The following POU2F1 variants were observed in gnomAD, a reference collection of about 807,000 sequenced individuals.
The protein encoded by POU2F1 is POU class 2 homeobox 1, also known as POU domain, class 2, transcription factor 1.
POU2F1 carries 16 observed loss-of-function variants against 84.9 expected under a neutral mutation model. That is an observed-to-expected ratio of 0.19 (90% CI 0.13 to 0.29). POU2F1 has a LOEUF of 0.29. POU2F1 is among the 10% of genes least tolerant of loss of function. The probability of loss-of-function intolerance (pLI) is 1.00; values close to 1 mark genes in which losing one functional copy is unlikely to be tolerated. For missense variants in POU2F1, 738 were observed against 942.6 expected, an observed-to-expected ratio of 0.78 and a Z score of 2.84; for synonymous variants, 368 against 368.3, an observed-to-expected ratio of 1.00 and a Z score of 0.01.
intron 1 of POU2F1, among the ~76,000 whole-genome samples, chr1:167,312,447 CT>C (rs1655564721): frequency 6.6e-6 from 1 of 151,798 alleles, no homozygotes; most frequent in South Asian, 2.1e-4. Flanking sequence ...CCAGGCGGGT[CT>C]CGAACTCCTG....
intron 1 of POU2F1, among the ~76,000 whole-genome samples, chr1:167,286,050 A>G (rs1653505585): frequency 6.6e-6 from 1 of 152,340 alleles, no homozygotes; most frequent in Non-Finnish European, 1.5e-5. Context: ...AAAGAAGATT[A>G]TGGCCAAATA....
rs369128134 is a variant in POU2F1, at chr1:167,413,127, C to G, written c.1990+13C>G. 65 of 1,595,204 alleles carry G rather than the reference C, an allele frequency of 4.1e-5. No individual in the cohort carries two copies. Among genetic ancestry groups the G allele is most frequent in the Non-Finnish European group, 5.2e-5 (60 of 1,164,568 alleles). On this transcript the variant is annotated intron_variant, in intron 15 of 15. Transcript: ENST00000367866. ...GCAACTATTCAAGGTCAGTAGAAGC[C>G]TTTTTCTTAATTTGGTGGCATGCAC... is the stretch of plus-strand genomic sequence containing the variant.
chr1:167,257,035 T>G (rs1365033330), intron 1 of POU2F1, among the ~76,000 whole-genome samples: 1 of 152,220 alleles, frequency 6.6e-6, no homozygotes, highest in East Asian at 1.9e-4. Flanking sequence ...CAGAGCCACT[T>G]CTTGATGCTA....
At chr1:167,221,526 C>T (rs1571104639) in intron 1 of POU2F1, among the ~76,000 whole-genome samples, 1 of 148,942 alleles carries the variant, frequency 6.7e-6, no homozygotes, top group African/African-American at 2.4e-5. Flanking sequence ...GCCGGACACC[C>T]GCACGCGTCT....
At chr1:167,383,010 C>G (rs1361947643) in intron 7 of POU2F1, among the ~76,000 whole-genome samples, 1 of 152,168 alleles carries the variant, frequency 6.6e-6, no homozygotes, top group Admixed American at 6.5e-5. Flanking sequence ...GCTATTGCCT[C>G]AGATAATCTT....
At chr1:167,414,179 T>A (rs927079416) in intron 15 of POU2F1, among the ~76,000 whole-genome samples, 1 of 152,202 alleles carries the variant, frequency 6.6e-6, no homozygotes, top group Non-Finnish European at 1.5e-5. Flanking sequence ...GACTTTCTGA[T>A]TGACTAAATC....
chr1:167,243,134 G>A (rs1396954596), intron 1 of POU2F1, among the ~76,000 whole-genome samples: 3 of 151,972 alleles, frequency 2.0e-5, no homozygotes, highest in African/African-American at 7.3e-5. Context: ...TTTTTACTTG[G>A]GACGTTATTG....
chr1:167,303,556 T>A (rs1324726181), intron 1 of POU2F1: 4 of 154,186 alleles, frequency 2.6e-5, no homozygotes, highest in African/African-American at 4.8e-5. Flanking sequence ...AAAGAAAGAA[T>A]GCAGTCTTTC....
intron 14 of POU2F1, 79 bp from the exon 15 acceptor site, chr1:167,412,947 G>T: frequency 1.6e-6 from 2 of 1,217,350 alleles, no homozygotes; most frequent in South Asian, 1.3e-5. Context: ...TTTTCGTTTT[G>T]TAAGTTCCTT....
chr1:167,236,278 T>G (rs1649448327), intron 1 of POU2F1, among the ~76,000 whole-genome samples: 1 of 152,008 alleles, frequency 6.6e-6, no homozygotes, highest in African/African-American at 2.4e-5. Flanking sequence ...AATTTTTGTA[T>G]TTTTAGTAGA....
intron 9 of POU2F1, among the ~76,000 whole-genome samples, chr1:167,393,284 A>G (rs534402308): frequency 6.6e-6 from 1 of 152,324 alleles, no homozygotes; most frequent in Admixed American, 6.5e-5. Context: ...CGAATTAATG[A>G]AAATTAGTAT....
At chr1:167,242,198 G>A (rs1481165033) in intron 1 of POU2F1, among the ~76,000 whole-genome samples, 1 of 152,186 alleles carries the variant, frequency 6.6e-6, no homozygotes, top group Non-Finnish European at 1.5e-5. Context: ...TAACTAAGAA[G>A]CACCAATATT....
intron 14 of POU2F1, 146 bp downstream of exon 14, chr1:167,412,450 A>C (rs71632308): frequency 0.019 from 12,697 of 673,886 alleles, 181 homozygotes; most frequent in Middle Eastern, 0.027. Flanking sequence ...TTTTGTGATC[A>C]TACAAGGACT....
intron 2 of POU2F1, among the ~76,000 whole-genome samples, chr1:167,345,998 C>CAAA (rs34988697): frequency 8.1e-6 from 1 of 124,086 alleles, no homozygotes. Context: ...CGCATGTCTA[C>CAAA]AAAAAAAAAA....
intron 2 of POU2F1, among the ~76,000 whole-genome samples, chr1:167,362,645 G>A (rs1251803910): frequency 6.6e-6 from 1 of 152,166 alleles, no homozygotes; most frequent in Admixed American, 6.5e-5. Flanking sequence ...CTGAGTAGCT[G>A]GAATTAGAGG....
At chr1:167,309,983 T>C (rs1655347000) in intron 1 of POU2F1, among the ~76,000 whole-genome samples, 1 of 152,144 alleles carries the variant, frequency 6.6e-6, no homozygotes, top group Non-Finnish European at 1.5e-5. Flanking sequence ...TAAATTCTTT[T>C]CATAGAACAT....
chr1:167,243,953 C>T (rs1441032722), intron 1 of POU2F1, among the ~76,000 whole-genome samples: 4 of 152,202 alleles, frequency 2.6e-5, no homozygotes, highest in African/African-American at 9.6e-5. Context: ...TAGCTGCCCT[C>T]CACAAATATG....
In POU2F1 at chr1:167,412,184, C is replaced by T; in HGVS notation, c.1781C>T (p.Thr594Ile). 1.9e-6 allele frequency: 3 copies of T among 1,614,006 alleles called. No homozygotes were observed. The highest frequency in any genetic ancestry group is 1.7e-6 in the Non-Finnish European group (2 of 1,179,898). The change falls in exon 14 of 16, where the codon ACA becomes ATA. Residue 594 changes from threonine to isoleucine, a missense_variant. This residue lies in a region of POU2F1 where 319 missense variants were observed against 386.0 expected (regional missense o/e 0.83). Coordinates refer to ENST00000367866, the MANE Select transcript of POU2F1 (RefSeq NM_002697.4). ...ATGGTGACAGCATCAGGTTTGCAAA[C>T]AGCAGCAGCTGCTGCCCTTCAAGGA... ...QVMVTASGLQ[T>I]AAAAALQGAA...
At chr1:167,355,111 T>C (rs965118148) in intron 2 of POU2F1, among the ~76,000 whole-genome samples, 4 of 152,060 alleles carry the variant, frequency 2.6e-5, no homozygotes, top group Admixed American at 2.6e-4. Context: ...CTTCTAAGAA[T>C]GTTATAGTTT....
Sources: gnomAD v4.1 joint callset for allele counts (sites outside exome capture counted in the v4.1 genomes callset) on GRCh38, gnomAD v4.1.1 for gene constraint, gnomAD v4.1.1 regional missense constraint, MANE v1.5 for transcripts, NCBI Gene and HGNC (gene_info 2026-07-23, HGNC 2026-07-21) for gene names.